Variants in PPP1R21 observed in about 807,000 individuals in gnomAD.
The protein encoded by PPP1R21 is KLRAQ motif containing 1.
Under a neutral mutation model 112.8 loss-of-function variants are expected in PPP1R21, and 85 were observed. That is an observed-to-expected ratio of 0.75 (90% confidence interval 0.63 to 0.90). PPP1R21 has a LOEUF of 0.90. Ranked by LOEUF, PPP1R21 falls within the 40% of genes least tolerant of loss-of-function variation. PPP1R21 has a pLI of 0.00. For synonymous variants in PPP1R21, 381 were observed against 322.3 expected (o/e 1.18, Z -1.95); for missense variants, 1,199 against 901.5 (o/e 1.33, Z -4.23).
intron 9 of PPP1R21, among the ~76,000 whole-genome samples, chr2:48,468,929 G>A (rs1056336757): frequency 2.9e-4 from 44 of 151,496 alleles, no homozygotes; most frequent in African/African-American, 1.1e-3. Context: ...CTTGAAAGAC[G>A]TATCTGAGAC....
Position 48,505,595 on chromosome 2 carries a change from A to C in PPP1R21, c.1967A>C (p.Glu656Ala), listed in dbSNP as rs191575427. The C allele has an allele frequency of 6.5e-7, 1 of 1,549,826 alleles. No individual in the cohort carries two copies. The highest frequency in any genetic ancestry group is 8.7e-7 in the Non-Finnish European group (1 of 1,144,744). The change falls in exon 18 of 22, where the codon GAG (glutamate) becomes GCG (alanine). Residue 656 changes from glutamate (E) to alanine (A), a missense_variant and splice_region_variant. Coordinates refer to ENST00000294952, the MANE Select transcript of PPP1R21 (RefSeq NM_001135629.3). ...IGTLTRTSDS[E>A]VPDVESREDL... ...ACTTTAACCAGGACATCTGACAGTG[A>C]GGTAACATGTGCTTGTCATCATGTT... is the stretch of plus-strand genomic sequence containing the variant.
At chr2:48,485,456 A>G (rs890619534) in intron 13 of PPP1R21, among the ~76,000 whole-genome samples, 15 of 152,158 alleles carry the variant, frequency 9.9e-5, no homozygotes, top group African/African-American at 3.6e-4. Context: ...TTCTGTGACA[A>G]CTGTACCATA....
intron 17 of PPP1R21, among the ~76,000 whole-genome samples, chr2:48,499,623 C>T (rs113615157): frequency 0.014 from 2,140 of 152,208 alleles, 45 homozygotes; most frequent in African/African-American, 0.047. Context: ...ACAATTTTAA[C>T]CCAATTTTCT....
In PPP1R21 at chr2:48,464,923, T is replaced by C. The variant is rs767292206; in HGVS notation, c.695-14T>C. 2.6e-6 allele frequency: 4 copies of C among 1,558,746 alleles called. No individual in the cohort carries two copies. Among genetic ancestry groups the C allele is most frequent in the Non-Finnish European group, 3.5e-6 (4 of 1,158,754 alleles). On this transcript the variant is annotated splice_polypyrimidine_tract_variant and intron_variant, in intron 7 of 21. Transcript: ENST00000294952. ...GAAATGAGAGACTTAATGTACATTA[T>C]TTTTCTTCTGTAGAATATAGTCAGT... is the stretch of plus-strand genomic sequence containing the variant.
intron 17 of PPP1R21, 114 bp downstream of exon 17, chr2:48,498,849 C>T: frequency 9.3e-7 from 1 of 1,077,098 alleles, no homozygotes. Context: ...ATCAAAATAC[C>T]ATAAGCTGAG....
intron 15 of PPP1R21, among the ~76,000 whole-genome samples, chr2:48,491,860 G>T (rs1215572614): frequency 6.6e-6 from 1 of 151,692 alleles, no homozygotes; most frequent in Non-Finnish European, 1.5e-5. Context: ...GAAAGAAATA[G>T]GAATAATAAA....
intron 1 of PPP1R21, among the ~76,000 whole-genome samples, chr2:48,442,101 T>C (rs1169611742): frequency 1.3e-5 from 2 of 152,200 alleles, no homozygotes; most frequent in Non-Finnish European, 2.9e-5. Context: ...CATTTGAAAT[T>C]GTCTTAAGAG....
At chr2:48,493,771 C>T (rs1669676784) in intron 15 of PPP1R21, among the ~76,000 whole-genome samples, 1 of 152,026 alleles carries the variant, frequency 6.6e-6, no homozygotes, top group African/African-American at 2.4e-5. Flanking sequence ...ATATTTGCCA[C>T]ATAATAAATT....
At chr2:48,478,994 G>A (rs949060103) in intron 12 of PPP1R21, among the ~76,000 whole-genome samples, 2 of 152,160 alleles carry the variant, frequency 1.3e-5, no homozygotes, top group African/African-American at 4.8e-5. Context: ...TAGAAACTGC[G>A]CCCTTAGTGG....
At chr2:48,483,270 C>T (rs1669116277) in intron 13 of PPP1R21, among the ~76,000 whole-genome samples, 1 of 142,904 alleles carries the variant, frequency 7.0e-6, no homozygotes, top group Non-Finnish European at 1.5e-5. Flanking sequence ...CAACCTTTCC[C>T]TCCCAGGTTC....
chr2:48,488,125 G>C (rs1669393143), intron 14 of PPP1R21, among the ~76,000 whole-genome samples: 1 of 152,096 alleles, frequency 6.6e-6, no homozygotes. Context: ...AGTTGGACTG[G>C]CTTTGTGACC....
At chr2:48,465,736 G>T (rs181620337) in intron 9 of PPP1R21, 94 bp downstream of exon 9, 7 of 1,094,314 alleles carry the variant, frequency 6.4e-6, no homozygotes, top group African/African-American at 1.6e-5. Flanking sequence ...TCCAAGTACT[G>T]CAAAGGACAT....
intron 15 of PPP1R21, among the ~76,000 whole-genome samples, chr2:48,493,816 A>T (rs1439554525): frequency 1.3e-5 from 2 of 152,000 alleles, no homozygotes. Context: ...TGGATATTTT[A>T]TTCTGTTCTT....
rs756719736 is a variant in PPP1R21, at chr2:48,459,898, A to G, written c.520A>G (p.Asn174Asp). Residue 174 changes from asparagine to aspartate, a missense_variant, in exon 5 of 22, where the codon AAC (asparagine) becomes GAC (aspartate). Asn to Asp is a conservative substitution (Grantham distance 23). Coordinates refer to ENST00000294952, the MANE Select transcript of PPP1R21 (RefSeq NM_001135629.3). ...CATGGAAACCATTGAGAAGCTGCAGAACGACAAGGCTAAACTAGAAGTAAG... is the reference window on the plus strand; with the variant it reads ...CATGGAAACCATTGAGAAGCTGCAGGACGACAAGGCTAAACTAGAAGTAAG... ...KYMETIEKLQ[N>D]DKAKLEVKSQ... The G allele has an allele frequency of 6.2e-7, 1 of 1,614,136 alleles. No homozygotes were observed. Among genetic ancestry groups the G allele is most frequent in the African/African-American group, 1.3e-5 (1 of 75,078 alleles).
At chr2:48,474,222 A>G (rs1391302906) in intron 11 of PPP1R21, among the ~76,000 whole-genome samples, 2 of 152,006 alleles carry the variant, frequency 1.3e-5, no homozygotes, top group Non-Finnish European at 2.9e-5. Flanking sequence ...GTCTCTACTG[A>G]AAGTACAAAA....
chr2:48,472,312 C>T (rs567887942), intron 11 of PPP1R21, among the ~76,000 whole-genome samples: 2 of 130,232 alleles, frequency 1.5e-5, no homozygotes, highest in East Asian at 2.3e-4. Flanking sequence ...TAATATTTTA[C>T]AGTAAAATAA....
chr2:48,467,384 A>G (rs776779634), intron 9 of PPP1R21, among the ~76,000 whole-genome samples: 8 of 152,244 alleles, frequency 5.3e-5, no homozygotes, highest in Non-Finnish European at 1.2e-4. Flanking sequence ...TTGCTATGTA[A>G]TAAATTACCC....
rs373267590 is a variant in PPP1R21, at chr2:48,486,743, A to G, written c.1431A>G (p.Thr477=). The G allele has an allele frequency of 1.2e-6, 2 of 1,613,338 alleles. No individual in the cohort carries two copies. Among genetic ancestry groups the G allele is most frequent in the Non-Finnish European group, 1.7e-6 (2 of 1,179,662 alleles). The change falls in exon 14 of 22, where the codon ACA becomes ACG. Residue 477 remains threonine, a synonymous_variant. Coordinates refer to ENST00000294952, the MANE Select transcript of PPP1R21 (RefSeq NM_001135629.3). ...TCCTGTCATCAGTAGTGGCATTAACAAATGGAGCAGGAAAGGTAATTCTCT... is the reference window on the plus strand; with the variant it reads ...TCCTGTCATCAGTAGTGGCATTAACGAATGGAGCAGGAAAGGTAATTCTCT... ...DCILSSVVAL[T]NGAGKIASFF...
At chr2:48,479,667 C>G (rs1009494396) in intron 12 of PPP1R21, 2 of 623,406 alleles carry the variant, frequency 3.2e-6, no homozygotes, top group Non-Finnish European at 6.0e-6. Context: ...AGAATCATGA[C>G]AGACTTAATC....
Sources: gnomAD v4.1 joint callset for allele counts (sites outside exome capture counted in the v4.1 genomes callset) on GRCh38, gnomAD v4.1.1 for gene constraint, MANE v1.5 for transcripts, NCBI Gene and HGNC (gene_info 2026-07-23, HGNC 2026-07-21) for gene names.